Variants in CERS6 observed in about 807,000 individuals in gnomAD.
CERS6 encodes the protein LAG1 homolog, ceramide synthase 6.
In CERS6, 26 loss-of-function variants were observed where a neutral mutation model predicts 56.8. That is an observed-to-expected ratio of 0.46 (90% CI 0.34 to 0.63). CERS6 has a LOEUF of 0.63. Among genes scored for constraint, CERS6 ranks in the 30% least tolerant of loss-of-function variants. The pLI is 0.01. For missense variants in CERS6, 415 were observed against 467.5 expected, an observed-to-expected ratio of 0.89 and a Z score of 1.04; for synonymous variants, 164 against 173.3, an observed-to-expected ratio of 0.95 and a Z score of 0.42.
intron 8 of CERS6, among the ~76,000 whole-genome samples, chr2:168,751,148 T>C (rs1219220036): frequency 1.9e-4 from 29 of 152,206 alleles, no homozygotes; most frequent in Admixed American, 1.9e-3. Flanking sequence ...TAAGAGGTTA[T>C]AGCAGGAAGT....
intron 1 of CERS6, among the ~76,000 whole-genome samples, chr2:168,486,712 C>T (rs1046739999): frequency 5.9e-5 from 9 of 151,980 alleles, no homozygotes; most frequent in Non-Finnish European, 1.2e-4. Flanking sequence ...GCTTTGGGTT[C>T]CTCCTGTGTT....
intron 1 of CERS6, among the ~76,000 whole-genome samples, chr2:168,507,828 C>T (rs544034930): frequency 6.6e-6 from 1 of 152,254 alleles, no homozygotes; most frequent in South Asian, 2.1e-4. Context: ...ATCTTTCTTT[C>T]CTCTTCTCTT....
intron 2 of CERS6, among the ~76,000 whole-genome samples, chr2:168,548,879 T>C (rs1485794693): frequency 6.6e-6 from 1 of 152,212 alleles, no homozygotes; most frequent in Non-Finnish European, 1.5e-5. Flanking sequence ...GAATGGAATT[T>C]TAGGAAAAGC....
intron 4 of CERS6, among the ~76,000 whole-genome samples, chr2:168,676,703 A>G (rs1376211431): frequency 6.6e-6 from 1 of 152,224 alleles, no homozygotes; most frequent in Non-Finnish European, 1.5e-5. Flanking sequence ...AAAAGTGCCT[A>G]GTTCAGCCTG....
intron 4 of CERS6, among the ~76,000 whole-genome samples, chr2:168,631,639 A>C (rs1684737344): frequency 9.7e-6 from 1 of 103,344 alleles, no homozygotes; most frequent in Non-Finnish European, 1.8e-5. Flanking sequence ...TATATAGCAT[A>C]TTTTATATTT....
intron 1 of CERS6, among the ~76,000 whole-genome samples, chr2:168,488,009 T>C (rs74271835): frequency 0.055 from 8,388 of 152,282 alleles, 338 homozygotes; most frequent in East Asian, 0.18. Context: ...CATTAACCAC[T>C]GCCCTGGCCC....
At chr2:168,546,860 A>G (rs1262249172) in intron 1 of CERS6, among the ~76,000 whole-genome samples, 1 of 152,176 alleles carries the variant, frequency 6.6e-6, no homozygotes, top group Non-Finnish European at 1.5e-5. Context: ...GGCCCCATGC[A>G]CTTCACCTGC....
intron 8 of CERS6, among the ~76,000 whole-genome samples, chr2:168,755,330 C>T (rs138558475): frequency 1.2e-4 from 18 of 152,316 alleles, no homozygotes; most frequent in Middle Eastern, 3.4e-3. Flanking sequence ...GGCTCTAGCT[C>T]TCTTAAATGC....
intron 4 of CERS6, among the ~76,000 whole-genome samples, chr2:168,682,444 T>C (rs1559050445): frequency 6.6e-6 from 1 of 152,218 alleles, no homozygotes; most frequent in South Asian, 2.1e-4. Flanking sequence ...TAAAGTACAC[T>C]GTATACCTTC....
intron 8 of CERS6, among the ~76,000 whole-genome samples, chr2:168,745,038 C>G (rs1054282112): frequency 6.6e-6 from 1 of 152,186 alleles, no homozygotes; most frequent in Admixed American, 6.5e-5. Context: ...TGGGAACCAT[C>G]AGCCTATTGA....
intron 1 of CERS6, among the ~76,000 whole-genome samples, chr2:168,483,370 A>G (rs999144574): frequency 6.6e-6 from 1 of 151,664 alleles, no homozygotes; most frequent in Non-Finnish European, 1.5e-5. Flanking sequence ...CTCATCTTGG[A>G]CTGGATACTG....
intron 5 of CERS6, among the ~76,000 whole-genome samples, chr2:168,693,159 G>A (rs987194194): frequency 6.6e-6 from 1 of 152,130 alleles, no homozygotes; most frequent in Non-Finnish European, 1.5e-5. Context: ...AGATACCCTA[G>A]TTGGTGGTCA....
Position 168,465,773 on chromosome 2 carries a change from A to G in CERS6, c.170+9155A>G, listed in dbSNP as rs184839135. Among the ~76,000 whole-genome samples, 360 of 152,306 alleles carry G rather than the reference A, an allele frequency of 2.4e-3. 3 individuals are homozygous for G. Among genetic ancestry groups the G allele is most frequent in the Non-Finnish European group, 3.9e-3 (265 of 68,030 alleles). ...TTTTGCAAGATGGAAAGAGTCCTGC[A>G]TGGTGGTCTTGGTTGCACAACAATG... On this transcript the variant is annotated intron_variant, in intron 1 of 9. Coordinates refer to ENST00000305747, the MANE Select transcript of CERS6 (RefSeq NM_203463.3).
chr2:168,751,352 A>G (rs1422726475), intron 8 of CERS6, among the ~76,000 whole-genome samples: 1 of 152,156 alleles, frequency 6.6e-6, no homozygotes, highest in African/African-American at 2.4e-5. Context: ...GCACTACTGG[A>G]TGAGGGGGAG....
chr2:168,465,858 T>C (rs1156936833), intron 1 of CERS6, among the ~76,000 whole-genome samples: 1 of 152,204 alleles, frequency 6.6e-6, no homozygotes, highest in East Asian at 1.9e-4. Flanking sequence ...GTAAGTGTTA[T>C]GCTATGTGTA....
chr2:168,743,081 A>G (rs1440324670), intron 8 of CERS6, among the ~76,000 whole-genome samples: 2 of 152,014 alleles, frequency 1.3e-5, no homozygotes, highest in Non-Finnish European at 1.5e-5. Flanking sequence ...GCCTCACACT[A>G]CTTGGGGCCG....
intron 3 of CERS6, among the ~76,000 whole-genome samples, chr2:168,586,945 C>T (rs901743641): frequency 5.3e-5 from 8 of 152,104 alleles, no homozygotes; most frequent in East Asian, 1.9e-4. Context: ...CTGAGGTGGG[C>T]GGATTACCTG....
At chr2:168,618,279 T>C (rs1216948221) in intron 3 of CERS6, among the ~76,000 whole-genome samples, 3 of 152,154 alleles carry the variant, frequency 2.0e-5, no homozygotes, top group African/African-American at 4.8e-5. Flanking sequence ...AAAATAATAC[T>C]GAATGGGGAA....
chr2:168,764,088 C>T (rs1232110640), intron 8 of CERS6, among the ~76,000 whole-genome samples: 1 of 152,158 alleles, frequency 6.6e-6, no homozygotes, highest in South Asian at 2.1e-4. Context: ...TTTCCTAATT[C>T]AAATACATAC....
Sources: gnomAD v4.1 joint callset for allele counts (sites outside exome capture counted in the v4.1 genomes callset) on GRCh38, gnomAD v4.1.1 for gene constraint, MANE v1.5 for transcripts, NCBI Gene and HGNC (gene_info 2026-07-23, HGNC 2026-07-21) for gene names.